EAF2: variants seen among roughly 807,000 people sequenced by gnomAD.
EAF2 encodes ELL-associated factor 2.
In EAF2, 29 loss-of-function variants were observed where a neutral mutation model predicts 29.4. That is an observed-to-expected ratio of 0.99 (90% CI 0.73 to 1.35). The LOEUF is 1.35. EAF2 is among the 40% of genes most tolerant of loss of function. EAF2 has a pLI of 0.00. For synonymous variants in EAF2, 103 were observed against 102.5 expected, an observed-to-expected ratio of 1.00 and a Z score of -0.03; for missense variants, 292 against 312.0, an observed-to-expected ratio of 0.94 and a Z score of 0.48.
At chr3:121,859,777 T>C (rs980599595) in intron 4 of EAF2, among the ~76,000 whole-genome samples, 1 of 152,246 alleles carries the variant, frequency 6.6e-6, no homozygotes, top group African/African-American at 2.4e-5. Context: ...CTTCCAGTTT[T>C]TGCCCATTCA....
At chr3:121,871,978 CATT>C (rs1353552821) in intron 4 of EAF2, among the ~76,000 whole-genome samples, 1 of 151,762 alleles carries the variant, frequency 6.6e-6, no homozygotes, top group African/African-American at 2.4e-5. Context: ...AAGAAGACAT[CATT>C]ATTATTCTTT....
intron 2 of EAF2, among the ~76,000 whole-genome samples, chr3:121,848,886 C>A (rs114523300): frequency 0.13 from 19,298 of 151,700 alleles, 1,381 homozygotes; most frequent in African/African-American, 0.19. Context: ...AAGCCCCCCC[C>A]CACACAAAAA....
chr3:121,845,298 C>T (rs934731365), intron 2 of EAF2, among the ~76,000 whole-genome samples: 7 of 151,614 alleles, frequency 4.6e-5, no homozygotes, highest in South Asian at 2.1e-4. Context: ...ATTAGCCAGT[C>T]GTGGTAGTGG....
chr3:121,858,887 C>T (rs535932933), intron 4 of EAF2, among the ~76,000 whole-genome samples: 65 of 152,208 alleles, frequency 4.3e-4, no homozygotes, highest in Non-Finnish European at 6.8e-4. Flanking sequence ...TTTCTACATA[C>T]GGCTAGCCAG....
At chr3:121,885,376 C>T (rs560848395) in intron 5 of EAF2, among the ~76,000 whole-genome samples, 40 of 152,340 alleles carry the variant, frequency 2.6e-4, no homozygotes, top group African/African-American at 8.7e-4. Context: ...CAACTTCTCT[C>T]TTGTTTCTGT....
chr3:121,838,254 C>G (rs909609304), intron 1 of EAF2, among the ~76,000 whole-genome samples: 6 of 151,848 alleles, frequency 4.0e-5, no homozygotes, highest in Non-Finnish European at 5.9e-5. Context: ...TGAAAGAAAT[C>G]CAGAGAGAAT....
rs748460863 is a variant in EAF2, at chr3:121,872,738, C to G, written c.686C>G (p.Ala229Gly). ...CAGTACAGGATTCCTGATATAGATG[C>G]CAGTCATAATAGATTTCGAGACAAC... ...MTQYRIPDID[A>G]SHNRFRDNSG... The change falls in exon 5 of 6, where the codon GCC becomes GGC. Residue 229 changes from alanine to glycine, a missense_variant. Ala to Gly is a moderately conservative substitution (Grantham distance 60). Transcript: ENST00000273668. 1.2e-6 allele frequency: 2 copies of G among 1,612,186 alleles called. No individual in the cohort carries two copies. Among genetic ancestry groups the G allele is most frequent in the African/African-American group, 2.7e-5 (2 of 74,784 alleles).
chr3:121,852,478 A>T (rs1454547455), intron 2 of EAF2, among the ~76,000 whole-genome samples: 1 of 152,290 alleles, frequency 6.6e-6, no homozygotes, highest in East Asian at 1.9e-4. Flanking sequence ...TAGCCCAGAC[A>T]TGTCTTCATC....
chr3:121,854,596 G>A, intron 2 of EAF2, 91 bp from the exon 3 acceptor site: 1 of 1,109,408 alleles, frequency 9.0e-7, no homozygotes, highest in Non-Finnish European at 1.2e-6. Context: ...GTATAACATA[G>A]AAGGAGAAAC....
chr3:121,870,830 AAT>A (rs1182480524), intron 4 of EAF2, among the ~76,000 whole-genome samples: 1 of 152,168 alleles, frequency 6.6e-6, no homozygotes, highest in Non-Finnish European at 1.5e-5. Flanking sequence ...ACATCAAAGA[AAT>A]GAAAATTAAA....
intron 5 of EAF2, among the ~76,000 whole-genome samples, chr3:121,876,663 A>G (rs1391211453): frequency 1.3e-5 from 2 of 151,982 alleles, no homozygotes; most frequent in Non-Finnish European, 2.9e-5. Context: ...GGATAGATAC[A>G]CTGAATCTGA....
rs777157009 is a variant in EAF2 at position 121,857,039 on chromosome 3, C to T, written c.367C>T (p.Arg123Cys). ...RVEGSSKIQY[R>C]KEQQQQQMWN... ...TGAAGGAAGCAGTAAAATTCAGTAT[C>T]GTAAAGAACAACAGCAACAACAAAT... The change falls in exon 4 of 6, where the codon CGT becomes TGT. Residue 123 changes from arginine (R) to cysteine (C), a missense_variant. By Grantham distance (180) the Arg-to-Cys change is radical. Transcript: ENST00000273668. 26 of 1,612,996 alleles carry T rather than the reference C, an allele frequency of 1.6e-5. No homozygotes were observed. The highest frequency in any genetic ancestry group is 4.0e-5 in the African/African-American group (3 of 74,856).
chr3:121,853,109 A>C (rs528146816), intron 2 of EAF2, among the ~76,000 whole-genome samples: 39 of 152,116 alleles, frequency 2.6e-4, no homozygotes, highest in African/African-American at 8.9e-4. Flanking sequence ...ATGTCTTACC[A>C]TTTTTTTCCT....
chr3:121,860,793 C>G (rs1446196669), intron 4 of EAF2, among the ~76,000 whole-genome samples: 1 of 152,098 alleles, frequency 6.6e-6, no homozygotes, highest in Non-Finnish European at 1.5e-5. Flanking sequence ...TTCCTGCTTT[C>G]TCTTGTGGGC....
chr3:121,869,548 T>A (rs186910178), intron 4 of EAF2, among the ~76,000 whole-genome samples: 1 of 152,210 alleles, frequency 6.6e-6, no homozygotes, highest in African/African-American at 2.4e-5. Flanking sequence ...AAGTAATGAA[T>A]TTACTATAGA....
intron 5 of EAF2, among the ~76,000 whole-genome samples, chr3:121,877,504 A>C (rs1163823889): frequency 6.6e-6 from 1 of 152,008 alleles, no homozygotes; most frequent in African/African-American, 2.4e-5. Flanking sequence ...TCACTTTTTA[A>C]ATGAACATAT....
chr3:121,865,972 A>G (rs1036732175), intron 4 of EAF2, among the ~76,000 whole-genome samples: 24 of 152,160 alleles, frequency 1.6e-4, no homozygotes, highest in Admixed American at 2.6e-4. Flanking sequence ...CTTCTCTCTC[A>G]TCTAAAGACA....
At chr3:121,844,296 G>A (rs1708483928) in intron 1 of EAF2, among the ~76,000 whole-genome samples, 157 bp from the exon 2 acceptor site, 1 of 152,022 alleles carries the variant, frequency 6.6e-6, no homozygotes, top group African/African-American at 2.4e-5. Flanking sequence ...AAATAAACTA[G>A]ATTGTATTTT....
intron 2 of EAF2, among the ~76,000 whole-genome samples, chr3:121,848,278 T>C (rs1708565973): frequency 6.6e-6 from 1 of 152,296 alleles, no homozygotes; most frequent in African/African-American, 2.4e-5. Context: ...TATGCAGATG[T>C]GTCCATATAT....
Sources: allele counts gnomAD v4.1 joint callset (sites outside exome capture counted in the v4.1 genomes callset), GRCh38; gene constraint gnomAD v4.1.1; transcripts MANE v1.5; gene names NCBI Gene and HGNC (gene_info 2026-07-23, HGNC 2026-07-21).